TASP1: variants seen among roughly 807,000 people sequenced by gnomAD.
TASP1 encodes threonine aspartase 1.
Under a neutral mutation model 56.6 loss-of-function variants are expected in TASP1, and 16 were observed. The ratio of observed to expected loss-of-function variants is 0.28; its 90% CI spans 0.19 to 0.43. The LOEUF (loss-of-function observed/expected upper bound fraction) is 0.43. Ranked by LOEUF, TASP1 falls within the 20% of genes least tolerant of loss-of-function variation. TASP1 has a pLI of 1.00. For missense variants in TASP1, 393 were observed against 511.6 expected (o/e 0.77, Z 2.24); for synonymous variants, 179 against 184.2 (o/e 0.97, Z 0.23).
At chr20:13,562,983 TATATACACATATATACACACAC>T (rs1324409098) in intron 7 of TASP1, among the ~76,000 whole-genome samples, 2 of 140,594 alleles carry the variant, frequency 1.4e-5, no homozygotes, top group African/African-American at 5.1e-5. Context: ...TATGTGTGTG[TATATACACATATATACACACAC>T]ATAGGTGTAT....
the TASP1 span, among the ~76,000 whole-genome samples, chr20:13,126,208 T>G: frequency 6.6e-6 from 1 of 152,176 alleles, no homozygotes; most frequent in African/African-American, 2.4e-5. Flanking sequence ...GGCACAATCA[T>G]ATGTAATATT....
chr20:13,498,663 A>T (rs1279287644), intron 10 of TASP1, among the ~76,000 whole-genome samples: 2 of 151,622 alleles, frequency 1.3e-5, no homozygotes, highest in South Asian at 4.2e-4. Context: ...ACTTTTCAAA[A>T]GAAGACATAC....
intron 11 of TASP1, among the ~76,000 whole-genome samples, chr20:13,445,707 C>T (rs1273813831): frequency 6.6e-6 from 1 of 152,132 alleles, no homozygotes; most frequent in Non-Finnish European, 1.5e-5. Context: ...CCCCTAGATG[C>T]AGGAGAATGT....
At position 13,480,688 on chromosome 20, in the gene TASP1, C is replaced by G. The variant is rs555755654; in HGVS notation, c.985+2539G>C. ...CCCAAACTTGGGGAAGTAGAACTAG[C>G]TAATCTGTAGTTTTAGACTCAGTAA... On this transcript the variant is annotated intron_variant, in intron 11 of 13. Coordinates refer to ENST00000337743, the MANE Select transcript of TASP1 (RefSeq NM_017714.3). Among the ~76,000 whole-genome samples the G allele has an allele frequency of 5.3e-5, 8 of 152,316 alleles. No individual in the cohort carries two copies. In the South Asian group the frequency reaches 1.0e-3, roughly 20 times the overall value.
At chr20:13,546,379 T>C (rs915941047) in intron 8 of TASP1, among the ~76,000 whole-genome samples, 2 of 152,134 alleles carry the variant, frequency 1.3e-5, no homozygotes, top group African/African-American at 4.8e-5. Flanking sequence ...AAAAAGGATA[T>C]TTTACAAACC....
At chr20:13,199,355 CCCTTCCTTTCTCCCT>C in the TASP1 span, among the ~76,000 whole-genome samples, 3 of 151,886 alleles carry the variant, frequency 2.0e-5, no homozygotes, top group Non-Finnish European at 4.4e-5. Context: ...CTGTCTTCCT[CCCTTCCTTTCTCCCT>C]CCTTCCTTTC....
the TASP1 span, among the ~76,000 whole-genome samples, chr20:13,363,129 T>C: frequency 6.6e-6 from 1 of 152,142 alleles, no homozygotes; most frequent in Non-Finnish European, 1.5e-5. Flanking sequence ...TCCTGGGTGA[T>C]AGAAGCATCT....
the TASP1 span, among the ~76,000 whole-genome samples, chr20:13,264,154 TTGGAGAC>T: frequency 6.6e-6 from 1 of 152,182 alleles, no homozygotes; most frequent in Non-Finnish European, 1.5e-5. Flanking sequence ...AGGAGGGAGT[TTGGAGAC>T]TGAAGACAGG....
intron 7 of TASP1, among the ~76,000 whole-genome samples, chr20:13,561,904 A>G (rs1467327968): frequency 1.3e-5 from 2 of 152,148 alleles, no homozygotes; most frequent in Admixed American, 1.3e-4. Flanking sequence ...GACAATATAC[A>G]CAAAAGAAAA....
chr20:13,376,007 T>C, the TASP1 span, among the ~76,000 whole-genome samples: 1 of 152,204 alleles, frequency 6.6e-6, no homozygotes, highest in Non-Finnish European at 1.5e-5. Context: ...TGAAAAAATT[T>C]TCTCCCATTC....
chr20:13,457,041 T>G (rs2043867768), intron 11 of TASP1, among the ~76,000 whole-genome samples: 1 of 151,966 alleles, frequency 6.6e-6, no homozygotes, highest in African/African-American at 2.4e-5. Context: ...AAACACCGCA[T>G]GTTCTCACTC....
intron 8 of TASP1, among the ~76,000 whole-genome samples, chr20:13,558,241 C>T (rs2046229557): frequency 6.6e-6 from 1 of 152,150 alleles, no homozygotes; most frequent in African/African-American, 2.4e-5. Context: ...GACTATGTGA[C>T]CTGGGACACC....
intron 2 of TASP1, among the ~76,000 whole-genome samples, chr20:13,627,629 T>A (rs1443618329): frequency 6.6e-6 from 1 of 151,080 alleles, no homozygotes; most frequent in Admixed American, 6.6e-5. Context: ...CACGTGCCTG[T>A]AATCCCAGTT....
chr20:13,410,960 G>T (rs1161469771), intron 13 of TASP1, among the ~76,000 whole-genome samples: 1 of 151,928 alleles, frequency 6.6e-6, no homozygotes, highest in South Asian at 2.1e-4. Context: ...TTATAGTTTG[G>T]GGCCTTACAT....
At chr20:13,311,243 T>TAGATAGATGATAGATA in the TASP1 span, among the ~76,000 whole-genome samples, 555 of 127,900 alleles carry the variant, frequency 4.3e-3, 4 homozygotes, top group East Asian at 0.025. Context: ...GATAGATAGA[T>TAGATAGATGATAGATA]GATAGATAGA....
the TASP1 span, among the ~76,000 whole-genome samples, chr20:13,254,674 C>T: frequency 2.0e-5 from 3 of 152,202 alleles, no homozygotes; most frequent in African/African-American, 7.2e-5. Flanking sequence ...CATGATATCA[C>T]TCAGAGGCAG....
At chr20:13,196,764 T>G in the TASP1 span, among the ~76,000 whole-genome samples, 3 of 152,158 alleles carry the variant, frequency 2.0e-5, no homozygotes, top group Non-Finnish European at 1.5e-5. Context: ...CACAGAAAAT[T>G]TTAAAATACA....
chr20:13,219,931 G>A, the TASP1 span, among the ~76,000 whole-genome samples: 15 of 152,318 alleles, frequency 9.8e-5, no homozygotes, highest in East Asian at 2.9e-3. Flanking sequence ...AGGACGCGGA[G>A]AAGGAAGGTA....
At chr20:13,221,219 A>ACTACTC in the TASP1 span, among the ~76,000 whole-genome samples, 17 of 82,772 alleles carry the variant, frequency 2.1e-4, no homozygotes, top group Admixed American at 7.6e-4. Flanking sequence ...AAGCCCTCCT[A>ACTACTC]CTCCTCCTCC....
Sources: gnomAD v4.1 joint callset for allele counts (sites outside exome capture counted in the v4.1 genomes callset) on GRCh38, gnomAD v4.1.1 for gene constraint, MANE v1.5 for transcripts, NCBI Gene and HGNC (gene_info 2026-07-23, HGNC 2026-07-21) for gene names.